Variants in LINGO2 observed in about 807,000 individuals in gnomAD.
LINGO2 encodes the protein leucine rich repeat and Ig domain containing 2.
LINGO2 carries 14 observed loss-of-function variants against 30.6 expected under a neutral mutation model. That is an observed-to-expected ratio of 0.46 (90% CI 0.30 to 0.72). The LOEUF (loss-of-function observed/expected upper bound fraction) is 0.72. Ranked by LOEUF, LINGO2 falls within the 30% of genes least tolerant of loss-of-function variation. The probability of loss-of-function intolerance (pLI) is 0.07; values close to 1 mark genes in which losing one functional copy is unlikely to be tolerated. For synonymous variants in LINGO2, 317 were observed against 288.5 expected (o/e 1.10, Z -1.00); for missense variants, 729 against 751.7 (o/e 0.97, Z 0.35).
At chr9:28,189,395 G>T (rs868095563) in intron 4 of LINGO2, among the ~76,000 whole-genome samples, 1 of 98,822 alleles carries the variant, frequency 1.0e-5, no homozygotes, top group African/African-American at 4.3e-5. Context: ...AAGGGAGGGA[G>T]GAAGGAAGGG....
At chr9:28,497,662 CA>C (rs1390095879) in intron 1 of LINGO2, among the ~76,000 whole-genome samples, 1 of 152,178 alleles carries the variant, frequency 6.6e-6, no homozygotes, top group Admixed American at 6.5e-5. Flanking sequence ...CTCAACTCAT[CA>C]AAGTCATTCT....
chr9:28,678,641 G>A, the LINGO2 span, among the ~76,000 whole-genome samples: 1 of 152,106 alleles, frequency 6.6e-6, no homozygotes, highest in African/African-American at 2.4e-5. Context: ...TAAAGGGATG[G>A]TTGTGAGGAC....
rs143066022 is a variant in LINGO2, at chr9:28,057,530, TAC to T, written c.-86-45127_-86-45126del. On this transcript the variant is annotated intron_variant, in intron 4 of 5. Transcript: ENST00000379992. ...GTATGCATATATGTGTGTATATATA[TAC>T]ACACACACATATGTATATAAGTATA... 1.5e-4 allele frequency among the ~76,000 whole-genome samples: 22 copies of T among 145,122 alleles called. 1 individual carries two copies. In the South Asian group the frequency reaches 1.9e-3, roughly 13 times the overall value.
At chr9:28,052,687 G>T (rs1824731178) in intron 4 of LINGO2, among the ~76,000 whole-genome samples, 1 of 152,032 alleles carries the variant, frequency 6.6e-6, no homozygotes, top group Non-Finnish European at 1.5e-5. Context: ...AAGCTTTCTG[G>T]CAGTTAGGGT....
At chr9:28,876,602 A>T in the LINGO2 span, among the ~76,000 whole-genome samples, 1 of 152,132 alleles carries the variant, frequency 6.6e-6, no homozygotes. Context: ...ATGGCTGCAT[A>T]GTATTCCATG....
the LINGO2 span, among the ~76,000 whole-genome samples, chr9:29,028,441 A>C: frequency 7.4e-5 from 11 of 149,438 alleles, no homozygotes; most frequent in African/African-American, 2.5e-4. Context: ...AGAGAGAGAG[A>C]GAGAGACACA....
chr9:28,677,277 G>T, the LINGO2 span, among the ~76,000 whole-genome samples: 1 of 152,096 alleles, frequency 6.6e-6, no homozygotes, highest in Non-Finnish European at 1.5e-5. Context: ...ATGGCATTCG[G>T]ATAACAATTG....
chr9:28,193,594 AG>A (rs977059918), intron 4 of LINGO2, among the ~76,000 whole-genome samples: 1 of 152,172 alleles, frequency 6.6e-6, no homozygotes, highest in Non-Finnish European at 1.5e-5. Flanking sequence ...ACTATGTTTT[AG>A]GGGAAAAAAG....
In LINGO2 at chr9:28,383,939, C is replaced by T. The variant is rs184784475; in HGVS notation, c.-278-11071G>A. 3.4e-3 allele frequency among the ~76,000 whole-genome samples: 513 copies of T among 152,050 alleles called. 1 individual carries two copies. Among genetic ancestry groups the T allele is most frequent in the Non-Finnish European group, 5.7e-3 (390 of 67,958 alleles). ...AATCTGGGGTAGAGAAACCTATGATCTTATGCTAATACAGAAAATAAAGTT... is the reference window on the plus strand; with the variant it reads ...AATCTGGGGTAGAGAAACCTATGATTTTATGCTAATACAGAAAATAAAGTT... On this transcript the variant is annotated intron_variant, in intron 2 of 5. Transcript: ENST00000379992.
chr9:28,436,626 T>C (rs1823946834), intron 2 of LINGO2, among the ~76,000 whole-genome samples: 1 of 151,752 alleles, frequency 6.6e-6, no homozygotes, highest in Non-Finnish European at 1.5e-5. Context: ...ACCGGCTAAT[T>C]TTTTGTATTT....
At chr9:29,153,241 T>C in the LINGO2 span, among the ~76,000 whole-genome samples, 3 of 152,140 alleles carry the variant, frequency 2.0e-5, no homozygotes, top group African/African-American at 7.2e-5. Flanking sequence ...ATTTATTCCT[T>C]ATATGTTTTC....
intron 2 of LINGO2, among the ~76,000 whole-genome samples, chr9:28,439,593 A>G (rs372633782): frequency 3.9e-5 from 6 of 152,052 alleles, no homozygotes; most frequent in Non-Finnish European, 7.4e-5. Flanking sequence ...GTTTTAAAGC[A>G]TATAGCACCT....
the LINGO2 span, among the ~76,000 whole-genome samples, chr9:29,112,042 A>G: frequency 6.6e-6 from 1 of 151,474 alleles, no homozygotes; most frequent in Non-Finnish European, 1.5e-5. Flanking sequence ...TGTGTATGAT[A>G]TATAATGTGT....
chr9:27,956,025 C>T (rs1166432849), intron 5 of LINGO2, among the ~76,000 whole-genome samples: 3 of 149,714 alleles, frequency 2.0e-5, no homozygotes, highest in East Asian at 2.0e-4. Flanking sequence ...CTGCAACCTC[C>T]GCCTCCTGCG....
chr9:28,041,279 C>G (rs1481101454), intron 4 of LINGO2, among the ~76,000 whole-genome samples: 1 of 152,084 alleles, frequency 6.6e-6, no homozygotes, highest in Non-Finnish European at 1.5e-5. Flanking sequence ...GGACCAGGGT[C>G]CAGATCAACG....
At chr9:27,977,279 A>G (rs1820645249) in intron 5 of LINGO2, among the ~76,000 whole-genome samples, 1 of 151,874 alleles carries the variant, frequency 6.6e-6, no homozygotes, top group South Asian at 2.1e-4. Flanking sequence ...AATGCTAAGT[A>G]TCTGAGAATT....
intron 3 of LINGO2, among the ~76,000 whole-genome samples, chr9:28,336,419 G>A (rs577156323): frequency 6.6e-6 from 1 of 152,130 alleles, no homozygotes; most frequent in Non-Finnish European, 1.5e-5. Flanking sequence ...TATTAATTTT[G>A]AGAAAATCCA....
chr9:28,718,672 A>T, the LINGO2 span, among the ~76,000 whole-genome samples: 1 of 151,892 alleles, frequency 6.6e-6, no homozygotes, highest in African/African-American at 2.4e-5. Context: ...AAGCCTACCA[A>T]TTTTTTATTT....
chr9:29,044,179 T>C, the LINGO2 span, among the ~76,000 whole-genome samples: 2 of 151,950 alleles, frequency 1.3e-5, no homozygotes, highest in African/African-American at 4.8e-5. Context: ...AATTTGACAA[T>C]ACTGCTAAAA....
Sources: gnomAD v4.1 joint callset for allele counts (sites outside exome capture counted in the v4.1 genomes callset) on GRCh38, gnomAD v4.1.1 for gene constraint, MANE v1.5 for transcripts, NCBI Gene and HGNC (gene_info 2026-07-23, HGNC 2026-07-21) for gene names.